The following TAF2 variants were observed in gnomAD, a reference collection of about 807,000 sequenced individuals.
TAF2 encodes the protein TATA-box binding protein associated factor 2.
In TAF2, 61 loss-of-function variants were observed where a neutral mutation model predicts 138.5. The observed-to-expected ratio is 0.44, with a 90% CI of 0.36 to 0.54. The LOEUF (loss-of-function observed/expected upper bound fraction) is 0.54, where lower values mean the gene tolerates loss of function less well. Ranked by LOEUF, TAF2 falls within the 20% of genes least tolerant of loss-of-function variation. The probability of loss-of-function intolerance (pLI) is 0.00; values close to 1 mark genes in which losing one functional copy is unlikely to be tolerated. For synonymous variants in TAF2, 475 were observed against 469.9 expected (o/e 1.01, Z -0.14); for missense variants, 1,090 against 1,427.9 (o/e 0.76, Z 3.81).
In TAF2 at chr8:119,789,007, G is replaced by C. The variant is rs1823231934; in HGVS notation, c.1569-103C>G. 3.4e-5 allele frequency: 27 copies of C among 800,746 alleles called. No individual in the cohort carries two copies. The South Asian group carries it at 3.8e-4, about 11-fold the overall frequency. The allele number at this position is 800,746 out of a possible 1,614,324, so 49.6% of individuals were successfully genotyped here. On this transcript the variant is annotated intron_variant, in intron 12 of 25. Transcript: ENST00000378164. ...ATAATTTTCAAGTGCATTCCCACCA[G>C]TTCAAAGTTTGAGAGCATACGCTAC...
chr8:119,789,564 T>C, intron 12 of TAF2, 28 bp downstream of exon 12: 1 of 1,611,764 alleles, frequency 6.2e-7, no homozygotes. Context: ...CCTTCCCCAC[T>C]CTGTTGAACT....
chr8:119,830,256 A>C (rs371572862), intron 2 of TAF2, among the ~76,000 whole-genome samples: 1 of 152,136 alleles, frequency 6.6e-6, no homozygotes, highest in South Asian at 2.1e-4. Context: ...TTAGGATTAA[A>C]ATATTATCTA....
At chr8:119,757,935 T>A in intron 21 of TAF2, 138 bp downstream of exon 21, 1 of 774,016 alleles carries the variant, frequency 1.3e-6, no homozygotes. Flanking sequence ...AAATCAAATT[T>A]AAAAAGGACA....
intron 22 of TAF2, among the ~76,000 whole-genome samples, chr8:119,752,881 TCA>T (rs1820446944): frequency 6.6e-6 from 1 of 152,214 alleles, no homozygotes; most frequent in African/African-American, 2.4e-5. Flanking sequence ...TCTATGTTGT[TCA>T]CAGTTTTTGT....
At chr8:119,818,732 CCA>C (rs199991010) in intron 3 of TAF2, among the ~76,000 whole-genome samples, 2,921 of 110,832 alleles carry the variant, frequency 0.026, 38 homozygotes, top group Middle Eastern at 0.034. Context: ...AAAATGAAGT[CCA>C]CACACACACA....
Position 119,756,030 on chromosome 8 carries a change from G to C in TAF2, c.2854C>G (p.Gln952Glu). Residue 952 changes from glutamine to glutamate, a missense_variant, in exon 22 of 26, where the codon CAA (glutamine) becomes GAA (glutamate). Gln to Glu is a conservative substitution (Grantham distance 29). Coordinates refer to ENST00000378164, the MANE Select transcript of TAF2 (RefSeq NM_003184.4). ...CCAGAATTCATAAGTTTCCAAAGTT[G>C]ATCTACCAGGGCTTCATTGCATAAG... ...SPLCNEALVD[Q>E]LWKLMNSGTS... The C allele has an allele frequency of 6.2e-7, 1 of 1,613,292 alleles. No homozygotes were observed. The highest frequency in any genetic ancestry group is 8.5e-7 in the Non-Finnish European group (1 of 1,179,506).
chr8:119,809,108 A>G (rs1397960910), intron 3 of TAF2, among the ~76,000 whole-genome samples: 6 of 152,238 alleles, frequency 3.9e-5, no homozygotes, highest in African/African-American at 9.6e-5. Context: ...TGTTTCATCT[A>G]CATTGAAAAT....
At chr8:119,800,489 T>C (rs796370251) in intron 6 of TAF2, among the ~76,000 whole-genome samples, 6 of 152,312 alleles carry the variant, frequency 3.9e-5, no homozygotes, top group African/African-American at 1.4e-4. Context: ...CTCTGTTCTG[T>C]TCCATTGGTC....
intron 22 of TAF2, among the ~76,000 whole-genome samples, chr8:119,750,760 A>T (rs1820296443): frequency 6.6e-6 from 1 of 152,172 alleles, no homozygotes; most frequent in Non-Finnish European, 1.5e-5. Flanking sequence ...AACCTGGCAA[A>T]TCCTATCAAA....
rs543540497 is a variant in TAF2 at position 119,804,532 on chromosome 8, C to G, written c.419-513G>C. ...TGATAGTGAATAAGTGTCACAAGAT[C>G]TGATGGTTTTCAAAATGGGAGTTGC... On this transcript the variant is annotated intron_variant, in intron 4 of 25. Coordinates refer to ENST00000378164, the MANE Select transcript of TAF2 (RefSeq NM_003184.4). Among the ~76,000 whole-genome samples the G allele has an allele frequency of 1.9e-3, 283 of 152,278 alleles. 2 individuals are homozygous for G. Among genetic ancestry groups the G allele is most frequent in the African/African-American group, 6.5e-3 (269 of 41,562 alleles).
rs1253030585 is a variant in TAF2, at chr8:119,819,523, T to C, written c.139-17A>G. On this transcript the variant is annotated splice_polypyrimidine_tract_variant and intron_variant, in intron 2 of 25. Transcript: ENST00000378164. ...CACAAATCCCTGTAAAGATAGAGAA[T>C]AACAACTTCATTATAAAGACTGGTA... The C allele has an allele frequency of 1.3e-6, 2 of 1,590,792 alleles. No homozygotes were observed. The highest frequency in any genetic ancestry group is 2.7e-5 in the African/African-American group (2 of 74,630).
intron 2 of TAF2, among the ~76,000 whole-genome samples, chr8:119,829,860 G>A (rs1054541361): frequency 5.2e-5 from 7 of 135,210 alleles, no homozygotes; most frequent in Admixed American, 1.5e-4. Context: ...TCTTTTTTTA[G>A]TTTTTTTTTT....
At chr8:119,823,039 T>C (rs533026804) in intron 2 of TAF2, among the ~76,000 whole-genome samples, 2 of 152,228 alleles carry the variant, frequency 1.3e-5, no homozygotes, top group South Asian at 2.1e-4. Context: ...CTCCCCACAA[T>C]ATCCTCAGAA....
chr8:119,832,171 T>TAAA (rs772438078), intron 1 of TAF2, among the ~76,000 whole-genome samples: 4 of 137,914 alleles, frequency 2.9e-5, no homozygotes, highest in African/African-American at 8.0e-5. Context: ...ATTAAAAAAT[T>TAAA]AAAAAAAAAA....
At position 119,783,471 on chromosome 8, in the gene TAF2, A is replaced by G; in HGVS notation, c.2022T>C (p.Thr674=). ...CAGTGAGTGCAAGCCGAGATGCTGG[A>G]GTAGGGAATTTTTCCAAAGCCAAAA... ...ESILALEKFP[T]PASRLALTDI... The change falls in exon 16 of 26, where the codon ACT becomes ACC. Residue 674 remains threonine (T), a synonymous_variant. Transcript: ENST00000378164. The G allele has an allele frequency of 6.2e-7, 1 of 1,614,110 alleles. No individual in the cohort carries two copies. The highest frequency in any genetic ancestry group is 8.5e-7 in the Non-Finnish European group (1 of 1,180,010).
intron 8 of TAF2, among the ~76,000 whole-genome samples, 191 bp downstream of exon 8, chr8:119,796,799 A>T (rs758899403): frequency 1.4e-4 from 22 of 152,072 alleles, no homozygotes; most frequent in Non-Finnish European, 2.5e-4. Flanking sequence ...AATAAATATA[A>T]GTGACTATAT....
At chr8:119,758,220 T>C in intron 20 of TAF2, 78 bp from the exon 21 acceptor site, 1 of 1,260,686 alleles carries the variant, frequency 7.9e-7, no homozygotes, top group Non-Finnish European at 1.1e-6. Context: ...GCAGGGAGTT[T>C]ACATTTAATA....
intron 18 of TAF2, among the ~76,000 whole-genome samples, chr8:119,769,987 G>A (rs1303161246): frequency 6.6e-6 from 1 of 151,726 alleles, no homozygotes; most frequent in Admixed American, 6.6e-5. Flanking sequence ...TCCATCTCCT[G>A]ACCTCATGAT....
chr8:119,751,675 CAG>C (rs1820364061), intron 22 of TAF2, among the ~76,000 whole-genome samples: 1 of 152,108 alleles, frequency 6.6e-6, no homozygotes, highest in Admixed American at 6.5e-5. Context: ...TAGTAACAAA[CAG>C]AAAGTGCTCA....
Sources: gnomAD v4.1 joint callset for allele counts (sites outside exome capture counted in the v4.1 genomes callset) on GRCh38, gnomAD v4.1.1 for gene constraint, MANE v1.5 for transcripts, NCBI Gene and HGNC (gene_info 2026-07-23, HGNC 2026-07-21) for gene names.